Variants in MEIS2 observed in about 807,000 individuals in gnomAD.
The protein encoded by MEIS2 is homeobox protein Meis2.
Under a neutral mutation model 58.6 loss-of-function variants are expected in MEIS2, and 9 were observed. The observed-to-expected ratio is 0.15, with a 90% CI of 0.09 to 0.27. The LOEUF (loss-of-function observed/expected upper bound fraction) is 0.27, where lower values mean the gene tolerates loss of function less well. MEIS2 is among the 10% of genes least tolerant of loss of function. MEIS2 has a pLI of 1.00. For missense variants in MEIS2, 427 were observed against 635.0 expected (o/e 0.67, Z 3.52); for synonymous variants, 221 against 228.4 (o/e 0.97, Z 0.29).
At chr15:37,005,337 A>T (rs995776033) in intron 8 of MEIS2, among the ~76,000 whole-genome samples, 4 of 152,220 alleles carry the variant, frequency 2.6e-5, no homozygotes, top group Non-Finnish European at 5.9e-5. Context: ...GAACAGTGGG[A>T]CTTCAGCAGG....
At chr15:36,909,663 G>C (rs1005145299) in intron 9 of MEIS2, among the ~76,000 whole-genome samples, 4 of 152,132 alleles carry the variant, frequency 2.6e-5, no homozygotes, top group African/African-American at 9.7e-5. Context: ...AATCTATCTG[G>C]GCATTAGAGA....
chr15:36,916,443 A>C (rs2057284780), intron 9 of MEIS2, among the ~76,000 whole-genome samples: 1 of 150,846 alleles, frequency 6.6e-6, no homozygotes, highest in Non-Finnish European at 1.5e-5. Context: ...AAAAAAAAAA[A>C]AAAAAAGAGA....
At chr15:37,020,756 A>T (rs1179985571) in intron 8 of MEIS2, among the ~76,000 whole-genome samples, 1 of 150,480 alleles carries the variant, frequency 6.6e-6, no homozygotes, top group African/African-American at 2.5e-5. Flanking sequence ...TTATGGGGGA[A>T]AAAAAAACCC....
intron 1 of MEIS2, chr15:37,099,126 C>T: frequency 9.2e-7 from 1 of 1,084,406 alleles, no homozygotes; most frequent in Non-Finnish European, 1.1e-6. Context: ...AATCGCGCTG[C>T]TGGGGTAAAA....
At chr15:36,938,874 T>G (rs2058272531) in intron 9 of MEIS2, among the ~76,000 whole-genome samples, 1 of 152,188 alleles carries the variant, frequency 6.6e-6, no homozygotes, top group Non-Finnish European at 1.5e-5. Flanking sequence ...GCTGCTGATG[T>G]CCAGCCCGTT....
intron 9 of MEIS2, among the ~76,000 whole-genome samples, chr15:36,937,423 G>T (rs1411967325): frequency 4.6e-5 from 7 of 152,128 alleles, no homozygotes; most frequent in Non-Finnish European, 7.4e-5. Flanking sequence ...CTGAATAGGG[G>T]TATCTACCTT....
chr15:36,986,535 T>C (rs1287028282), intron 8 of MEIS2, among the ~76,000 whole-genome samples: 4 of 152,326 alleles, frequency 2.6e-5, no homozygotes, highest in South Asian at 4.1e-4. Context: ...CCTTCAGTGC[T>C]CCCAGAGTCA....
intron 8 of MEIS2, among the ~76,000 whole-genome samples, chr15:36,958,678 C>T (rs1052331934): frequency 6.6e-6 from 1 of 152,144 alleles, no homozygotes; most frequent in South Asian, 2.1e-4. Flanking sequence ...TTGAATATAA[C>T]AGAAATATAT....
intron 8 of MEIS2, among the ~76,000 whole-genome samples, chr15:36,951,687 T>C (rs1595793421): frequency 6.6e-6 from 1 of 152,306 alleles, no homozygotes; most frequent in African/African-American, 2.4e-5. Context: ...TTTAATATTC[T>C]GCAAATGTTA....
intron 7 of MEIS2, among the ~76,000 whole-genome samples, chr15:37,060,133 G>A (rs1030910221): frequency 2.0e-5 from 3 of 151,936 alleles, no homozygotes; most frequent in African/African-American, 7.3e-5. Context: ...AGAGCTGGGG[G>A]TCTTGCCATG....
chr15:36,985,592 A>G (rs573276619), intron 8 of MEIS2, among the ~76,000 whole-genome samples: 1 of 151,950 alleles, frequency 6.6e-6, no homozygotes, highest in Non-Finnish European at 1.5e-5. Flanking sequence ...CACTGCCAAT[A>G]TTTTTTCCCT....
chr15:37,030,021 A>G (rs1420244451), intron 8 of MEIS2, among the ~76,000 whole-genome samples: 1 of 152,228 alleles, frequency 6.6e-6, no homozygotes, highest in Non-Finnish European at 1.5e-5. Flanking sequence ...TCAATAAAAA[A>G]TAATAAAAAC....
intron 9 of MEIS2, among the ~76,000 whole-genome samples, chr15:36,930,992 G>A (rs1349762445): frequency 6.6e-6 from 1 of 152,168 alleles, no homozygotes; most frequent in Non-Finnish European, 1.5e-5. Flanking sequence ...TGAGTAAGTG[G>A]TTTCCTTCAC....
intron 8 of MEIS2, 89 bp downstream of exon 8, chr15:37,036,724 CT>C: frequency 1.4e-6 from 2 of 1,391,670 alleles, no homozygotes; most frequent in Non-Finnish European, 1.9e-6. Context: ...AAATAGGCAC[CT>C]TAGTTTAAAA....
At chr15:37,006,407 TGGA>T (rs1281169250) in intron 8 of MEIS2, among the ~76,000 whole-genome samples, 1 of 152,266 alleles carries the variant, frequency 6.6e-6, no homozygotes, top group Non-Finnish European at 1.5e-5. Context: ...TTCTATTATC[TGGA>T]GAAATTAAGA....
At chr15:36,956,090 G>A (rs977043198) in intron 8 of MEIS2, among the ~76,000 whole-genome samples, 1 of 148,778 alleles carries the variant, frequency 6.7e-6, no homozygotes, top group South Asian at 2.1e-4. Flanking sequence ...CAGCTACTCG[G>A]GAGGCTGAGG....
intron 4 of MEIS2, among the ~76,000 whole-genome samples, chr15:37,095,298 G>A (rs1035812421): frequency 1.3e-5 from 2 of 152,044 alleles, no homozygotes; most frequent in African/African-American, 4.8e-5. Flanking sequence ...TCCTGGGGCC[G>A]AGACCTGGGA....
At chr15:37,031,466 T>G (rs1010276669) in intron 8 of MEIS2, among the ~76,000 whole-genome samples, 23 of 129,744 alleles carry the variant, frequency 1.8e-4, no homozygotes, top group African/African-American at 6.5e-4. Context: ...AATAACAAAT[T>G]TAAGATGACT....
intron 9 of MEIS2, among the ~76,000 whole-genome samples, chr15:36,912,356 C>T (rs2057071273): frequency 6.6e-6 from 1 of 152,166 alleles, no homozygotes; most frequent in South Asian, 2.1e-4. Flanking sequence ...ACTGATGTTG[C>T]ATAATTGCTC....
Sources: gnomAD v4.1 joint callset for allele counts (sites outside exome capture counted in the v4.1 genomes callset) on GRCh38, gnomAD v4.1.1 for gene constraint, MANE v1.5 for transcripts, NCBI Gene and HGNC (gene_info 2026-07-23, HGNC 2026-07-21) for gene names.